GRB2: variants seen among roughly 807,000 people sequenced by gnomAD.
The protein encoded by GRB2 is growth factor receptor-bound protein 2.
GRB2 carries 2 observed loss-of-function variants against 27.4 expected under a neutral mutation model. The observed-to-expected ratio is 0.07, with a 90% CI of 0.03 to 0.23. GRB2 has a LOEUF of 0.23. Ranked by LOEUF, GRB2 falls within the 10% of genes least tolerant of loss-of-function variation. The probability of loss-of-function intolerance (pLI) is 1.00; values close to 1 mark genes in which losing one functional copy is unlikely to be tolerated. For synonymous variants in GRB2, 94 were observed against 99.6 expected (o/e 0.94, Z 0.33); for missense variants, 102 against 282.4 (o/e 0.36, Z 4.58).
At chr17:75,321,094 C>T (rs1382930698) in intron 5 of GRB2, among the ~76,000 whole-genome samples, 1 of 151,834 alleles carries the variant, frequency 6.6e-6, no homozygotes, top group Non-Finnish European at 1.5e-5. Flanking sequence ...TAAAGACCAT[C>T]TCCCTAGAGA....
At chr17:75,401,829 GCTAA>G (rs1414646294) in intron 1 of GRB2, among the ~76,000 whole-genome samples, 1 of 152,206 alleles carries the variant, frequency 6.6e-6, no homozygotes, top group East Asian at 1.9e-4. Context: ...AAAAGACTGA[GCTAA>G]CTAATTATCC....
intron 2 of GRB2, among the ~76,000 whole-genome samples, chr17:75,333,545 C>T (rs1438216321): frequency 1.3e-5 from 2 of 152,094 alleles, no homozygotes; most frequent in African/African-American, 4.8e-5. Context: ...TATTAGACTC[C>T]TCTAGAGATC....
intron 2 of GRB2, among the ~76,000 whole-genome samples, chr17:75,362,102 C>T (rs914911605): frequency 4.3e-5 from 3 of 70,404 alleles, no homozygotes; most frequent in Non-Finnish European, 1.0e-4. Flanking sequence ...CTAGTGACAC[C>T]ATTCATCACC....
intron 2 of GRB2, among the ~76,000 whole-genome samples, chr17:75,380,225 C>G (rs771519632): frequency 3.8e-4 from 57 of 151,982 alleles, no homozygotes; most frequent in Non-Finnish European, 5.7e-4. Flanking sequence ...TTTTTTCTTT[C>G]CTTATTAGAC....
chr17:75,326,582 T>C (rs2078500206), intron 3 of GRB2, among the ~76,000 whole-genome samples: 1 of 152,246 alleles, frequency 6.6e-6, no homozygotes, highest in Non-Finnish European at 1.5e-5. Flanking sequence ...TCAGCATTCC[T>C]CTCAAGGCCT....
intron 1 of GRB2, among the ~76,000 whole-genome samples, chr17:75,397,511 C>A (rs1207285391): frequency 6.6e-6 from 1 of 152,138 alleles, no homozygotes; most frequent in East Asian, 1.9e-4. Flanking sequence ...AAACTACTAT[C>A]CTAAAGGTAT....
chr17:75,320,312 T>G lies in GRB2; in HGVS notation c.*56A>C. 1.4e-6 allele frequency: 2 copies of G among 1,462,094 alleles called. No homozygotes were observed. Among genetic ancestry groups the G allele is most frequent in the Non-Finnish European group, 1.9e-6 (2 of 1,043,524 alleles). The allele number at this position is 1,462,094 out of a possible 1,614,324, so 90.6% of individuals were successfully genotyped here. A position where few individuals can be genotyped will look rare whatever the true frequency, so the allele number is the denominator to read the frequency against. ...TGTCAGAGGCAGCTTGTGGGTTTAA[T>G]TCTTTTGTATGTGTTTTACATTTTT... is the stretch of plus-strand genomic sequence containing the variant. On this transcript the variant is annotated 3_prime_UTR_variant, in exon 6 of 6. Coordinates refer to ENST00000316804, the MANE Select transcript of GRB2 (RefSeq NM_002086.5). The surrounding 1 kb of genome is among the most constrained non-coding windows in gnomAD (Gnocchi z 4.3).
intron 2 of GRB2, among the ~76,000 whole-genome samples, chr17:75,361,071 T>C (rs966335929): frequency 2.0e-5 from 3 of 152,210 alleles, no homozygotes; most frequent in Non-Finnish European, 2.9e-5. Context: ...ATGCCTGACC[T>C]AAAGTCAAAC....
chr17:75,382,963 C>G (rs1320367273), intron 2 of GRB2, among the ~76,000 whole-genome samples: 2 of 152,192 alleles, frequency 1.3e-5, no homozygotes, highest in Admixed American at 6.5e-5. Flanking sequence ...CCTGCCTCGG[C>G]CTCCCAAAGT....
intron 2 of GRB2, among the ~76,000 whole-genome samples, chr17:75,381,891 C>A (rs376887218): frequency 1.3e-5 from 2 of 151,930 alleles, no homozygotes; most frequent in East Asian, 1.9e-4. Flanking sequence ...AAAGCTCTTG[C>A]ATTTTTCAAA....
intron 2 of GRB2, among the ~76,000 whole-genome samples, chr17:75,362,304 C>T (rs144295626): frequency 9.1e-4 from 138 of 152,254 alleles, no homozygotes; most frequent in Middle Eastern, 3.4e-3. Flanking sequence ...AATTCTGATA[C>T]CACAGATGAA....
At chr17:75,366,145 A>G (rs1376065843) in intron 2 of GRB2, among the ~76,000 whole-genome samples, 3 of 151,742 alleles carry the variant, frequency 2.0e-5, no homozygotes, top group Admixed American at 1.3e-4. Context: ...TGCAGCCGTT[A>G]CAAATTTCAG....
At chr17:75,347,921 C>T (rs1318064162) in intron 2 of GRB2, among the ~76,000 whole-genome samples, 1 of 152,188 alleles carries the variant, frequency 6.6e-6, no homozygotes, top group Non-Finnish European at 1.5e-5. Flanking sequence ...TTTTGGAATG[C>T]ATTAAGGACA....
At chr17:75,366,718 G>C (rs1294219124) in intron 2 of GRB2, among the ~76,000 whole-genome samples, 2 of 152,074 alleles carry the variant, frequency 1.3e-5, no homozygotes, top group African/African-American at 4.8e-5. Flanking sequence ...GCTGACGTGG[G>C]AGGATCACCT....
intron 2 of GRB2, among the ~76,000 whole-genome samples, chr17:75,381,819 C>T (rs985638508): frequency 7.9e-5 from 12 of 151,676 alleles, no homozygotes; most frequent in Admixed American, 3.9e-4. Flanking sequence ...CTTTCTTGTT[C>T]TCAGTGAATC....
At chr17:75,378,966 G>T (rs540104942) in intron 2 of GRB2, among the ~76,000 whole-genome samples, 20 of 152,236 alleles carry the variant, frequency 1.3e-4, no homozygotes, top group Non-Finnish European at 1.3e-4. Context: ...CTTAATCATT[G>T]TATCTTTTCT....
intron 2 of GRB2, among the ~76,000 whole-genome samples, chr17:75,342,008 T>A (rs1383658981): frequency 6.6e-6 from 1 of 152,270 alleles, no homozygotes; most frequent in East Asian, 1.9e-4. Context: ...AGTCAGCTAG[T>A]CAACTCACCG....
intron 1 of GRB2, among the ~76,000 whole-genome samples, chr17:75,401,977 G>C (rs1243683121): frequency 6.6e-6 from 1 of 152,166 alleles, no homozygotes; most frequent in Non-Finnish European, 1.5e-5. Flanking sequence ...CATCTGCATA[G>C]GCAGATATCC....
At position 75,379,677 on chromosome 17, in the gene GRB2, G is replaced by C. The variant is rs531911031; in HGVS notation, c.78+13874C>G. Among the ~76,000 whole-genome samples, 24 of 152,090 alleles carry C rather than the reference G, an allele frequency of 1.6e-4. 1 individual carries two copies. The South Asian group carries it at 3.9e-3, about 25-fold the overall frequency. On this transcript the variant is annotated intron_variant, in intron 2 of 5. Coordinates refer to ENST00000316804, the MANE Select transcript of GRB2 (RefSeq NM_002086.5). ...AGCCTCCCAAAGTGCTAGGATTACA[G>C]GCCACCACACCTGGTCACTTGATTT...
Sources: allele counts gnomAD v4.1 joint callset (sites outside exome capture counted in the v4.1 genomes callset), GRCh38; gene constraint gnomAD v4.1.1; non-coding constraint Gnocchi (gnomAD v3.1); transcripts MANE v1.5; gene names NCBI Gene and HGNC (gene_info 2026-07-23, HGNC 2026-07-21).